FAM181B: variants seen among roughly 807,000 people sequenced by gnomAD.
FAM181B encodes protein FAM181B.
A neutral mutation model predicts 17.8 loss-of-function variants in FAM181B; 13 were observed. The observed-to-expected ratio is 0.73, with a 90% CI of 0.48 to 1.16. The LOEUF (loss-of-function observed/expected upper bound fraction) is 1.16. Ranked by LOEUF, FAM181B falls within the 50% of genes most tolerant of loss-of-function variation. The pLI is 0.00. For synonymous variants in FAM181B, 338 were observed against 316.5 expected (o/e 1.07, Z -0.72); for missense variants, 725 against 634.1 (o/e 1.14, Z -1.54).
chr11:82,730,301 G>A lies in FAM181B; in HGVS notation c.*2148C>T, dbSNP rs930613563. The A allele has an allele frequency of 2.0e-5, 3 of 152,212 alleles. No individual in the cohort carries two copies. Among genetic ancestry groups the A allele is most frequent in the African/African-American group, 7.2e-5 (3 of 41,442 alleles). 9.4% of individuals were successfully genotyped at this position (152,212 alleles called of 1,614,324 possible). On this transcript the variant is annotated 3_prime_UTR_variant, in exon 1 of 1. Coordinates refer to ENST00000329203, the MANE Select transcript of FAM181B (RefSeq NM_175885.4). ...AGAGGCTCAGTGAGTTAGCTTAAAT[G>A]CCTGGGATGCGGAAACAATGTTGAT...
Position 82,733,818 on chromosome 11 carries a change from G to GGCGC in FAM181B, c.-93_-90dup, listed in dbSNP as rs1555002916. On this transcript the variant is annotated 5_prime_UTR_variant, in exon 1 of 1. Transcript: ENST00000329203. ...CCAGACCCAGCTCCCGCCCCGGCGC[G>GGCGC]GCGCGCGCGGCGCAGCCTACTAGTT... is the stretch of plus-strand genomic sequence containing the variant. 1.9e-6 allele frequency: 2 copies of GGCGC among 1,068,534 alleles called. No homozygotes were observed. The highest frequency in any genetic ancestry group is 9.2e-5 in the South Asian group (2 of 21,856). 66.2% of individuals were successfully genotyped at this position (1,068,534 alleles called of 1,614,324 possible).
In FAM181B at chr11:82,732,970, C is replaced by G. The variant is rs764292294; in HGVS notation, c.760G>C (p.Asp254His). 6.4e-7 allele frequency: 1 copy of G among 1,572,986 alleles called. No homozygotes were observed. Among genetic ancestry groups the G allele is most frequent in the South Asian group, 1.2e-5 (1 of 86,898 alleles). Residue 254 changes from aspartate to histidine, a missense_variant, in exon 1 of 1, where the codon GAC (aspartate) becomes CAC (histidine). Physicochemically the swap from Asp to His is moderately conservative, Grantham distance 81 (BLOSUM62 -1). Coordinates refer to ENST00000329203, the MANE Select transcript of FAM181B (RefSeq NM_175885.4). ...ACGGCCTCCGCGCCCTTCTCCAGGTCGCCCAAGCTCACGTCCGGCCCCGAC... is the reference window on the plus strand; with the variant it reads ...ACGGCCTCCGCGCCCTTCTCCAGGTGGCCCAAGCTCACGTCCGGCCCCGAC... The part of the protein sequence containing the change: ...GPSGPDVSLG[D>H]LEKGAEAVEF...
chr11:82,732,706 C>T lies in FAM181B; in HGVS notation c.1024G>A (p.Gly342Ser). 1.4e-6 allele frequency: 2 copies of T among 1,456,380 alleles called. No homozygotes were observed. Among genetic ancestry groups the T allele is most frequent in the South Asian group, 2.9e-5 (2 of 68,746 alleles). The allele number at this position is 1,456,380 out of a possible 1,614,324, so 90.2% of individuals were successfully genotyped here. ...TKKSPLTAPR[G>S]GLTLNEPLSP... ...AAGGGCTCGTTCAAGGTCAAGCCGCCGCGGGGGGCAGTCAGGGGGCTCTTT... is the reference window on the plus strand; with the variant it reads ...AAGGGCTCGTTCAAGGTCAAGCCGCTGCGGGGGGCAGTCAGGGGGCTCTTT... The change falls in exon 1 of 1, where the codon GGC (glycine) becomes AGC (serine). Residue 342 changes from glycine to serine, a missense_variant. Physicochemically the swap from Gly to Ser is moderately conservative, Grantham distance 56 (BLOSUM62 0). Transcript: ENST00000329203.
Position 82,733,213 on chromosome 11 carries a change from G to A in FAM181B, c.517C>T (p.Arg173Cys), listed in dbSNP as rs571965708. 3 of 1,309,210 alleles carry A rather than the reference G, an allele frequency of 2.3e-6. No homozygotes were observed. The highest frequency in any genetic ancestry group is 2.8e-4 in the Middle Eastern group (1 of 3,614). The allele number at this position is 1,309,210 out of a possible 1,614,324, so 81.1% of individuals were successfully genotyped here. ...RSLAALFDSL[R>C]HVPGGAEPAG... Reference sequence around the variant, plus strand: ...GGCTCGGCACCCCCGGGGACGTGGCGCAGCGAGTCGAAGAGCGCGGCCAGA... The same window carrying A: ...GGCTCGGCACCCCCGGGGACGTGGCACAGCGAGTCGAAGAGCGCGGCCAGA... The change falls in exon 1 of 1, where the codon CGC becomes TGC. Residue 173 changes from arginine (R) to cysteine (C), a missense_variant. Physicochemically the swap from Arg to Cys is radical, Grantham distance 180. Transcript: ENST00000329203.
At position 82,733,289 on chromosome 11, in the gene FAM181B, G is replaced by C. The variant is rs1266841666; in HGVS notation, c.441C>G (p.Pro147=). 8.2e-6 allele frequency: 10 copies of C among 1,220,540 alleles called. No individual in the cohort carries two copies. The highest frequency in any genetic ancestry group is 6.7e-5 in the East Asian group (2 of 29,840). The allele number at this position is 1,220,540 out of a possible 1,614,324, so 75.6% of individuals were successfully genotyped here. A position where few individuals can be genotyped will look rare whatever the true frequency, so the allele number is the denominator to read the frequency against. ...VAAPAHGKAA[P]RREASQAAAA... Reference sequence around the variant, plus strand: ...CGGCGGCCTGCGACGCCTCCCGCCGGGGGGCAGCCTTGCCGTGGGCCGGGG... The same window carrying C: ...CGGCGGCCTGCGACGCCTCCCGCCGCGGGGCAGCCTTGCCGTGGGCCGGGG... Residue 147 remains proline, a synonymous_variant, in exon 1 of 1, where the codon CCC becomes CCG. Transcript: ENST00000329203.
Position 82,732,915 on chromosome 11 carries a change from T to C in FAM181B, c.815A>G (p.Tyr272Cys). The C allele has an allele frequency of 1.3e-6, 2 of 1,560,428 alleles. No individual in the cohort carries two copies. The highest frequency in any genetic ancestry group is 1.7e-6 in the Non-Finnish European group (2 of 1,158,244). Residue 272 changes from tyrosine to cysteine, a missense_variant, in exon 1 of 1, where the codon TAC (tyrosine) becomes TGC (cysteine). By Grantham distance (194) the Tyr-to-Cys change is radical. Transcript: ENST00000329203. ...VEFFELLGPDYGAGTEAAVLL... is the reference protein window; with the variant it reads ...VEFFELLGPDCGAGTEAAVLL... ...GACTGCCGCCTCCGTGCCGGCGCCG[T>C]AGTCGGGCCCCAGCAGCTCAAAGAA...
At position 82,730,969 on chromosome 11, in the gene FAM181B, A is replaced by C. The variant is rs1857122568; in HGVS notation, c.*1480T>G. 1 of 152,294 alleles carries C rather than the reference A, an allele frequency of 6.6e-6. No homozygotes were observed. Among genetic ancestry groups the C allele is most frequent in the African/African-American group, 2.4e-5 (1 of 41,432 alleles). The allele number at this position is 152,294 out of a possible 1,614,324, so 9.4% of individuals were successfully genotyped here. Reference sequence around the variant, plus strand: ...AGATGTTCTGGGCGTTGCTCTCTTCATGCCTTTCTCCCCGCAGTTCTACAG... The same window carrying C: ...AGATGTTCTGGGCGTTGCTCTCTTCCTGCCTTTCTCCCCGCAGTTCTACAG... On this transcript the variant is annotated 3_prime_UTR_variant, in exon 1 of 1. Transcript: ENST00000329203.
Position 82,733,305 on chromosome 11 carries a change from TGGGCCG to T in FAM181B, c.419_424del (p.Pro140_Ala141del). The T allele has an allele frequency of 8.1e-7, 1 of 1,229,138 alleles. No homozygotes were observed. Among genetic ancestry groups the T allele is most frequent in the South Asian group, 3.7e-5 (1 of 27,060 alleles). The allele number at this position is 1,229,138 out of a possible 1,614,324, so 76.1% of individuals were successfully genotyped here. ...CTCCCGCCGGGGGGCAGCCTTGCCG[TGGGCCG>T]GGGCCGCGACTGTCGGGGCGCTAGG... On this transcript the variant is annotated inframe_deletion, in exon 1 of 1. Transcript: ENST00000329203.
chr11:82,733,758 C>T lies in FAM181B; in HGVS notation c.-29G>A, dbSNP rs760413239. On this transcript the variant is annotated 5_prime_UTR_variant, in exon 1 of 1. Coordinates refer to ENST00000329203, the MANE Select transcript of FAM181B (RefSeq NM_175885.4). ...CGCGGCTCCCGGGCTGTCCGCAGCG[C>T]TGCCCGTGCGCCCCCGCCAGCTCCT... is the stretch of plus-strand genomic sequence containing the variant. 8.4e-6 allele frequency: 11 copies of T among 1,312,606 alleles called. No individual in the cohort carries two copies. In the East Asian group the frequency reaches 3.5e-4, roughly 41 times the overall value. 81.3% of individuals were successfully genotyped at this position (1,312,606 alleles called of 1,614,324 possible). A position where few individuals can be genotyped will look rare whatever the true frequency, so the allele number is the denominator to read the frequency against.
In FAM181B at chr11:82,733,127, C is replaced by T; in HGVS notation, c.603G>A (p.Ala201=). ...CCGCGGGGCCTGCCACGTCCCCTCC[C>T]GCGCCCCCAGTGCCCGCACCTCCTA... ...AGLGGAGTGG[A]GGDVAGPAGA... is the part of the protein sequence containing the mutation. Residue 201 remains alanine (A), a synonymous_variant, in exon 1 of 1, where the codon GCG becomes GCA. Coordinates refer to ENST00000329203, the MANE Select transcript of FAM181B (RefSeq NM_175885.4). The T allele has an allele frequency of 6.9e-7, 1 of 1,458,498 alleles. No individual in the cohort carries two copies. Among genetic ancestry groups the T allele is most frequent in the Non-Finnish European group, 9.0e-7 (1 of 1,114,574 alleles). The allele number at this position is 1,458,498 out of a possible 1,614,324, so 90.3% of individuals were successfully genotyped here. A position where few individuals can be genotyped will look rare whatever the true frequency, so the allele number is the denominator to read the frequency against.
At position 82,733,550 on chromosome 11, in the gene FAM181B, G is replaced by A. The variant is rs747282401; in HGVS notation, c.180C>T (p.Arg60=). 45 of 1,606,446 alleles carry A rather than the reference G, an allele frequency of 2.8e-5. 1 individual carries two copies. In the South Asian group the frequency reaches 3.6e-4, roughly 13 times the overall value. ...LLSGAEGGDV[R]EATRDLLSFI... ...AGCTGAGTAGATCGCGGGTGGCCTC[G>A]CGCACGTCCCCTCCTTCGGCTCCCG... The change falls in exon 1 of 1, where the codon CGC becomes CGT. Residue 60 remains arginine (R), a synonymous_variant. Coordinates refer to ENST00000329203, the MANE Select transcript of FAM181B (RefSeq NM_175885.4).
Position 82,732,779 on chromosome 11 carries a change from GT to G in FAM181B, c.950del (p.Asn317ThrfsTer21). On this transcript the variant is annotated frameshift_variant, in exon 1 of 1. Transcript: ENST00000329203. LOFTEE classifies it high-confidence loss of function. The stretch of plus-strand genomic sequence containing the variant: ...CGCTCCAGGGCTCGGGGTACAGTAG[GT>G]TTCCCACCACTGCCGGCGGCGGCTC... ...LFEPPPAVVG[N>X]LLYPEPWSVP... 6.7e-7 allele frequency: 1 copy of G among 1,490,878 alleles called. No individual in the cohort carries two copies. Among genetic ancestry groups the G allele is most frequent in the East Asian group, 2.6e-5 (1 of 39,092 alleles). The allele number at this position is 1,490,878 out of a possible 1,614,324, so 92.4% of individuals were successfully genotyped here.
At position 82,732,301 on chromosome 11, in the gene FAM181B, T is replaced by C; in HGVS notation, c.*148A>G. 1.3e-6 allele frequency: 1 copy of C among 762,686 alleles called. No individual in the cohort carries two copies. Among genetic ancestry groups the C allele is most frequent in the Non-Finnish European group, 2.1e-6 (1 of 478,146 alleles). The allele number at this position is 762,686 out of a possible 1,614,324, so 47.2% of individuals were successfully genotyped here. A position where few individuals can be genotyped will look rare whatever the true frequency, so the allele number is the denominator to read the frequency against. On this transcript the variant is annotated 3_prime_UTR_variant, in exon 1 of 1. Transcript: ENST00000329203. ...TCCCCAACTCGTCTTCATCTCTTTT[T>C]TCTGAAGTTGCTTTTATTAATTGAA...
At position 82,730,092 on chromosome 11, in the gene FAM181B, A is replaced by G. The variant is rs763553841; in HGVS notation, c.*2357T>C. ...AGATAGCAAGGAAGTGCCACACTTTATAACCATCAGATCTCATGAGAACTC... is the reference window on the plus strand; with the variant it reads ...AGATAGCAAGGAAGTGCCACACTTTGTAACCATCAGATCTCATGAGAACTC... On this transcript the variant is annotated 3_prime_UTR_variant, in exon 1 of 1. Transcript: ENST00000329203. 2 of 152,210 alleles carry G rather than the reference A, an allele frequency of 1.3e-5. No individual in the cohort carries two copies. The highest frequency in any genetic ancestry group is 2.9e-5 in the Non-Finnish European group (2 of 68,052). The allele number at this position is 152,210 out of a possible 1,614,324, so 9.4% of individuals were successfully genotyped here.
At position 82,730,622 on chromosome 11, in the gene FAM181B, A is replaced by C. The variant is rs556746356; in HGVS notation, c.*1827T>G. ...AGACATTAGCTTTCTGGAGTTGCAA[A>C]AGTTCTTTTCATCATTAACAGTACT... On this transcript the variant is annotated 3_prime_UTR_variant, in exon 1 of 1. Transcript: ENST00000329203. The C allele has an allele frequency of 4.6e-5, 7 of 152,330 alleles. No homozygotes were observed. Among genetic ancestry groups the C allele is most frequent in the East Asian group, 3.9e-4 (2 of 5,188 alleles). The allele number at this position is 152,330 out of a possible 1,614,324, so 9.4% of individuals were successfully genotyped here.
Position 82,733,323 on chromosome 11 carries a change from G to A in FAM181B, c.407C>T (p.Thr136Ile). 7.9e-7 allele frequency: 1 copy of A among 1,265,624 alleles called. No homozygotes were observed. 78.4% of individuals were successfully genotyped at this position (1,265,624 alleles called of 1,614,324 possible). The change falls in exon 1 of 1, where the codon ACA (threonine) becomes ATA (isoleucine). Residue 136 changes from threonine (T) to isoleucine (I), a missense_variant. Coordinates refer to ENST00000329203, the MANE Select transcript of FAM181B (RefSeq NM_175885.4). ...CTTGCCGTGGGCCGGGGCCGCGACT[G>A]TCGGGGCGCTAGGGGCGGCCAGCGG... ...KRPLAAPSAP[T>I]VAAPAHGKAA... is the part of the protein sequence containing the mutation.
chr11:82,730,989 C>T lies in FAM181B; in HGVS notation c.*1460G>A, dbSNP rs1857122745. On this transcript the variant is annotated 3_prime_UTR_variant, in exon 1 of 1. Transcript: ENST00000329203. Reference sequence around the variant, plus strand: ...TCTTCATGCCTTTCTCCCCGCAGTTCTACAGCACCAAGGGCTCCTCTTTTC... The same window carrying T: ...TCTTCATGCCTTTCTCCCCGCAGTTTTACAGCACCAAGGGCTCCTCTTTTC... The T allele has an allele frequency of 6.6e-6, 1 of 152,422 alleles. No homozygotes were observed. Among genetic ancestry groups the T allele is most frequent in the South Asian group, 2.1e-4 (1 of 4,834 alleles). The allele number at this position is 152,422 out of a possible 1,614,324, so 9.4% of individuals were successfully genotyped here.
Position 82,733,143 on chromosome 11 carries a change from G to A in FAM181B, c.587C>T (p.Ala196Val), listed in dbSNP as rs1437690931. ...GTCCCCTCCCGCGCCCCCAGTGCCCGCACCTCCTAGCCCGGCCGCCGGCGC... is the reference window on the plus strand; with the variant it reads ...GTCCCCTCCCGCGCCCCCAGTGCCCACACCTCCTAGCCCGGCCGCCGGCGC... ...VAAPAAGLGG[A>V]GTGGAGGDVA... The change falls in exon 1 of 1, where the codon GCG (alanine) becomes GTG (valine). Residue 196 changes from alanine (A) to valine (V), a missense_variant. Transcript: ENST00000329203. The A allele has an allele frequency of 9.0e-6, 13 of 1,446,436 alleles. No individual in the cohort carries two copies. Among genetic ancestry groups the A allele is most frequent in the Non-Finnish European group, 1.2e-5 (13 of 1,109,100 alleles). 89.6% of individuals were successfully genotyped at this position (1,446,436 alleles called of 1,614,324 possible). A position where few individuals can be genotyped will look rare whatever the true frequency, so the allele number is the denominator to read the frequency against.
In FAM181B at chr11:82,733,596, G is replaced by A; in HGVS notation, c.134C>T (p.Ala45Val). ...TCCCGACAGCAGCGCACCCGCCGGA[G>A]CCCCGGTCTCATCGTCCTCGAAACA... ...GCCFEDDETG[A>V]PAGALLSGAE... is the part of the protein sequence containing the mutation. Residue 45 changes from alanine (A) to valine (V), a missense_variant, in exon 1 of 1, where the codon GCT becomes GTT. Coordinates refer to ENST00000329203, the MANE Select transcript of FAM181B (RefSeq NM_175885.4). 1.2e-6 allele frequency: 2 copies of A among 1,602,840 alleles called. No individual in the cohort carries two copies. The highest frequency in any genetic ancestry group is 1.7e-6 in the Non-Finnish European group (2 of 1,178,618).
Sources: gnomAD v4.1 joint callset for allele counts on GRCh38, gnomAD v4.1.1 for gene constraint, MANE v1.5 for transcripts, NCBI Gene and HGNC (gene_info 2026-07-23, HGNC 2026-07-21) for gene names.